DLG2: variants seen among roughly 807,000 people sequenced by gnomAD.
The protein encoded by DLG2 is disks large homolog 2.
In DLG2, 45 loss-of-function variants were observed where a neutral mutation model predicts 132.5. The observed-to-expected ratio is 0.34, with a 90% CI of 0.27 to 0.44. The LOEUF (loss-of-function observed/expected upper bound fraction) is 0.44, where lower values mean the gene tolerates loss of function less well. Ranked by LOEUF, DLG2 falls within the 20% of genes least tolerant of loss-of-function variation. DLG2 has a pLI of 1.00. For synonymous variants in DLG2, 424 were observed against 419.6 expected (o/e 1.01, Z -0.13); for missense variants, 1,045 against 1,196.9 (o/e 0.87, Z 1.87).
In DLG2 at chr11:85,455,488, C is replaced by T. The variant is rs184511838; in HGVS notation, c.40+143169G>A. ...CTGCAAGCAGGGATAGTTTGACTTC[C>T]TCTTCTCCTATTTGGATGCCTTTTA... On this transcript the variant is annotated intron_variant, in intron 3 of 27. Coordinates refer to ENST00000376104, the MANE Select transcript of DLG2 (RefSeq NM_001142699.3). Among the ~76,000 whole-genome samples, 666 of 152,270 alleles carry T rather than the reference C, an allele frequency of 4.4e-3. 7 individuals are homozygous for T. The highest frequency in any genetic ancestry group is 8.1e-3 in the Non-Finnish European group (548 of 68,016).
At chr11:84,578,693 T>A (rs1035961492) in intron 6 of DLG2, among the ~76,000 whole-genome samples, 4 of 152,130 alleles carry the variant, frequency 2.6e-5, no homozygotes, top group Non-Finnish European at 4.4e-5. Context: ...TTGTCTCAGA[T>A]GAGACTTTGG....
intron 16 of DLG2, among the ~76,000 whole-genome samples, chr11:83,846,199 G>C (rs919088365): frequency 1.3e-5 from 2 of 152,218 alleles, no homozygotes; most frequent in African/African-American, 4.8e-5. Flanking sequence ...CATGGCATGA[G>C]CCTAGGGCCA....
chr11:85,333,241 T>C (rs2081895440), intron 3 of DLG2, among the ~76,000 whole-genome samples: 1 of 152,196 alleles, frequency 6.6e-6, no homozygotes. Flanking sequence ...GCTCTCAGCT[T>C]AGATGATAGT....
chr11:84,114,787 A>T (rs1595556290), intron 9 of DLG2, among the ~76,000 whole-genome samples: 1 of 150,232 alleles, frequency 6.7e-6, no homozygotes, highest in Non-Finnish European at 1.5e-5. Context: ...TCAGCTTCCC[A>T]AGTAGCTGGG....
chr11:83,692,820 T>C (rs1479159259), intron 18 of DLG2: 1 of 152,206 alleles, frequency 6.6e-6, no homozygotes, highest in East Asian at 1.9e-4. Flanking sequence ...TGTGGCCATG[T>C]GTCTGAGTCT....
chr11:84,197,758 C>T (rs1356565540), intron 8 of DLG2, among the ~76,000 whole-genome samples: 2 of 152,150 alleles, frequency 1.3e-5, no homozygotes, highest in Non-Finnish European at 2.9e-5. Context: ...GGTATTCACT[C>T]AATTAAGTAA....
At chr11:85,042,042 C>T (rs766277597) in intron 6 of DLG2, among the ~76,000 whole-genome samples, 2 of 151,840 alleles carry the variant, frequency 1.3e-5, no homozygotes, top group Non-Finnish European at 2.9e-5. Flanking sequence ...ACAATTCATC[C>T]ATGTAACCAA....
intron 6 of DLG2, among the ~76,000 whole-genome samples, chr11:84,683,072 A>G (rs1448719042): frequency 1.3e-5 from 2 of 152,192 alleles, no homozygotes; most frequent in Non-Finnish European, 2.9e-5. Context: ...TAATGACTTA[A>G]ATATACTGGT....
intron 7 of DLG2, among the ~76,000 whole-genome samples, chr11:84,373,956 GAA>G (rs1192957820): frequency 2.0e-5 from 3 of 152,132 alleles, no homozygotes; most frequent in Non-Finnish European, 4.4e-5. Context: ...AAATGTATAT[GAA>G]AAGTTATTTT....
intron 18 of DLG2, among the ~76,000 whole-genome samples, chr11:83,643,950 A>G (rs140935908): frequency 6.6e-6 from 1 of 151,808 alleles, no homozygotes; most frequent in African/African-American, 2.4e-5. Flanking sequence ...TTGTTTGGTT[A>G]CCCTAAGTAA....
At chr11:83,833,948 C>T (rs967961233) in intron 16 of DLG2, among the ~76,000 whole-genome samples, 178 bp from the exon 17 acceptor site, 14 of 152,170 alleles carry the variant, frequency 9.2e-5, no homozygotes, top group African/African-American at 3.4e-4. Context: ...GTTTGAGTTC[C>T]CCACTGCAAC....
intron 6 of DLG2, among the ~76,000 whole-genome samples, chr11:84,602,154 T>C (rs1456403541): frequency 6.6e-6 from 1 of 151,966 alleles, no homozygotes; most frequent in Non-Finnish European, 1.5e-5. Context: ...TAGAGGTGGC[T>C]AGCTGCTTAT....
At chr11:85,486,848 T>A (rs2093440550) in intron 3 of DLG2, among the ~76,000 whole-genome samples, 1 of 151,586 alleles carries the variant, frequency 6.6e-6, no homozygotes, top group African/African-American at 2.4e-5. Flanking sequence ...GAATTGGCGC[T>A]CCAGGACCAC....
intron 6 of DLG2, among the ~76,000 whole-genome samples, chr11:84,538,763 T>C (rs1039294444): frequency 1.3e-5 from 2 of 152,058 alleles, no homozygotes; most frequent in African/African-American, 2.4e-5. Flanking sequence ...CTGTAGACAA[T>C]AGGGAGTCAT....
At chr11:84,568,786 AAAG>A (rs754990286) in intron 6 of DLG2, among the ~76,000 whole-genome samples, 1 of 152,220 alleles carries the variant, frequency 6.6e-6, no homozygotes, top group Non-Finnish European at 1.5e-5. Flanking sequence ...TATGCAATTC[AAAG>A]AAGAGAAGAG....
At chr11:85,420,057 C>T (rs1042095914) in intron 3 of DLG2, among the ~76,000 whole-genome samples, 1 of 152,204 alleles carries the variant, frequency 6.6e-6, no homozygotes, top group African/African-American at 2.4e-5. Context: ...GGTTTTTCCC[C>T]ATTTTCATGG....
intron 7 of DLG2, among the ~76,000 whole-genome samples, chr11:84,266,818 C>T (rs555297231): frequency 3.3e-5 from 5 of 152,300 alleles, no homozygotes; most frequent in South Asian, 2.1e-4. Flanking sequence ...TCCTCATTAT[C>T]GTTTCATTGT....
chr11:85,285,486 T>C (rs2078497309), intron 3 of DLG2, 121 bp from the exon 4 acceptor site: 1 of 837,060 alleles, frequency 1.2e-6, no homozygotes, highest in East Asian at 2.5e-5. Flanking sequence ...TGCATAAATA[T>C]ATATCCCAAA....
intron 19 of DLG2, among the ~76,000 whole-genome samples, chr11:83,552,456 G>C (rs1217327941): frequency 6.6e-6 from 1 of 152,130 alleles, no homozygotes; most frequent in African/African-American, 2.4e-5. Flanking sequence ...AGTATAGGGT[G>C]CTGCTCTGGG....
Sources: allele counts gnomAD v4.1 joint callset (sites outside exome capture counted in the v4.1 genomes callset), GRCh38; gene constraint gnomAD v4.1.1; transcripts MANE v1.5; gene names NCBI Gene and HGNC (gene_info 2026-07-23, HGNC 2026-07-21).